Variants in ANKLE2 observed in about 807,000 individuals in gnomAD.
ANKLE2 encodes ankyrin repeat and LEM domain containing 2.
Under a neutral mutation model 84.2 loss-of-function variants are expected in ANKLE2, and 55 were observed. That is an observed-to-expected ratio of 0.65 (90% CI 0.53 to 0.82). ANKLE2 has a LOEUF of 0.82. Ranked by LOEUF, ANKLE2 falls within the 40% of genes least tolerant of loss-of-function variation. The pLI is 0.00. For missense variants in ANKLE2, 1,238 were observed against 1,201.9 expected (o/e 1.03, Z -0.44); for synonymous variants, 551 against 486.1 (o/e 1.13, Z -1.76).
Position 132,747,910 on chromosome 12 carries a change from G to A in ANKLE2, c.1152C>T (p.Tyr384=). Residue 384 remains tyrosine, a synonymous_variant, in exon 5 of 13, where the codon TAC becomes TAT. Transcript: ENST00000357997. ...LENPDFMRLM[Y]PDDDEAMLQK... The stretch of plus-strand genomic sequence containing the variant: ...GCAGCATGGCCTCGTCGTCATCAGG[G>A]TACATCAGCCTCATGAAGTCAGGGT... 6.2e-7 allele frequency: 1 copy of A among 1,608,356 alleles called. No individual in the cohort carries two copies. Among genetic ancestry groups the A allele is most frequent in the East Asian group, 2.2e-5 (1 of 44,850 alleles).
Position 132,727,314 on chromosome 12 carries a change from A to C in ANKLE2, c.2745T>G (p.Pro915=). ...SNPAKPGLGS[P]GRYSPVHGSQ... is the part of the protein sequence containing the mutation. The stretch of plus-strand genomic sequence containing the variant: ...TCCCGTGCACGGGGCTGTAGCGCCC[A>C]GGACTGCCCAGGCCTGGCTTTGCGG... Residue 915 remains proline (P), a synonymous_variant, in exon 13 of 13, where the codon CCT becomes CCG. Transcript: ENST00000357997. 2 of 1,563,484 alleles carry C rather than the reference A, an allele frequency of 1.3e-6. No individual in the cohort carries two copies. Among genetic ancestry groups the C allele is most frequent in the Non-Finnish European group, 1.7e-6 (2 of 1,154,484 alleles).
intron 9 of ANKLE2, 89 bp from the exon 10 acceptor site, chr12:132,734,664 C>A: frequency 1.6e-6 from 2 of 1,261,680 alleles, no homozygotes; most frequent in Non-Finnish European, 1.1e-6. Flanking sequence ...GCTTCAAGTA[C>A]CAAAGCAATG....
rs2043703401 is a variant in ANKLE2, at chr12:132,726,577, T to G, written c.*665A>C. On this transcript the variant is annotated 3_prime_UTR_variant, in exon 13 of 13. Transcript: ENST00000357997. The stretch of plus-strand genomic sequence containing the variant: ...TGCTCCTGGTATCACTCCCACGGGC[T>G]GCAAGACTTCCCAAGAGAAAAGCTA... The G allele has an allele frequency of 2.0e-5, 3 of 152,236 alleles. No individual in the cohort carries two copies. Among genetic ancestry groups the G allele is most frequent in the Admixed American group, 1.3e-4 (2 of 15,274 alleles). The allele number at this position is 152,236 out of a possible 1,614,324, so 9.4% of individuals were successfully genotyped here.
At position 132,761,782 on chromosome 12, in the gene ANKLE2, AGCCGCGGCCACAGCATCGCCGCCGCCCGG is replaced by A. The variant is rs2044632878; in HGVS notation, c.-13_16del. The A allele has an allele frequency of 1.7e-6, 2 of 1,148,430 alleles. No homozygotes were observed. The highest frequency in any genetic ancestry group is 2.1e-6 in the Non-Finnish European group (2 of 936,656). 71.1% of individuals were successfully genotyped at this position (1,148,430 alleles called of 1,614,324 possible). ...CAGCGCCGCCCACTCGGCCGCCGCC[AGCCGCGGCCACAGCATCGCCGCCGCCCGG>A]GCCGCAGCCGCCGAGAAGCCCGCGC... On this transcript the variant is annotated start_lost and 5_prime_UTR_variant, in exon 1 of 13. Coordinates refer to ENST00000357997, the MANE Select transcript of ANKLE2 (RefSeq NM_015114.3).
intron 6 of ANKLE2, chr12:132,741,962 T>C (rs912485741): frequency 7.5e-6 from 3 of 397,730 alleles, no homozygotes; most frequent in African/African-American, 2.1e-5. Flanking sequence ...CCTTGAAGAA[T>C]TGCAGCAATA....
intron 8 of ANKLE2, 34 bp from the exon 9 acceptor site, chr12:132,735,546 A>G (rs780987603): frequency 6.4e-7 from 1 of 1,573,716 alleles, no homozygotes; most frequent in Non-Finnish European, 8.7e-7. Context: ...GAGCCGTGTC[A>G]GGCACTGCGC....
chr12:132,734,333 C>T (rs1177631832), intron 10 of ANKLE2, 52 bp downstream of exon 10: 25 of 1,589,908 alleles, frequency 1.6e-5, no homozygotes, highest in African/African-American at 5.4e-5. Context: ...CGTCAGACCC[C>T]GGCCATGGGG....
At chr12:132,737,754 T>A (rs573048289) in intron 7 of ANKLE2, 1 of 152,028 alleles carries the variant, frequency 6.6e-6, no homozygotes, top group African/African-American at 2.4e-5. Context: ...CCTTCTCTCC[T>A]TTTTTTCTCC....
intron 7 of ANKLE2, chr12:132,738,111 CCGGCCTCCTCGCTTCT>C (rs1161923571): frequency 3.4e-4 from 49 of 145,058 alleles, no homozygotes; most frequent in African/African-American, 1.4e-3. Context: ...GCTGCTGTGC[CCGGCCTCCTCGCTTCT>C]CAATCCTGCT....
chr12:132,741,455 C>T lies in ANKLE2; in HGVS notation c.1384G>A (p.Val462Met). ...VICERSKNKS[V>M]ELKERIREYL... ...TCTCTGATCCGCTCCTTCAGTTCCA[C>T]AGATTTATTTTTGCTTCTTTCACAA... is the stretch of plus-strand genomic sequence containing the variant. Residue 462 changes from valine to methionine, a missense_variant, in exon 7 of 13, where the codon GTG becomes ATG. Around this residue, in one of 3 missense-constraint regions of ANKLE2, gnomAD observed 802 missense variants for 774.5 expected, o/e 1.04. Coordinates refer to ENST00000357997, the MANE Select transcript of ANKLE2 (RefSeq NM_015114.3). 6.2e-7 allele frequency: 1 copy of T among 1,614,186 alleles called. No homozygotes were observed. Among genetic ancestry groups the T allele is most frequent in the Non-Finnish European group, 8.5e-7 (1 of 1,180,038 alleles).
chr12:132,750,640 T>C lies in ANKLE2; in HGVS notation c.847+3A>G. ...TCAAGATGTGAACGGCTGCATGATT[T>C]ACCTTTCAACCTGTCATTGCTAAAG... On this transcript the variant is annotated splice_donor_region_variant and intron_variant, in intron 3 of 12. Transcript: ENST00000357997. 6.2e-7 allele frequency: 1 copy of C among 1,614,034 alleles called. No homozygotes were observed. Among genetic ancestry groups the C allele is most frequent in the Non-Finnish European group, 8.5e-7 (1 of 1,179,910 alleles).
Position 132,732,910 on chromosome 12 carries a change from C to T in ANKLE2, c.1891+1475G>A, listed in dbSNP as rs182120263. On this transcript the variant is annotated intron_variant, in intron 10 of 12. Transcript: ENST00000357997. ...TGTCTGAAATGCACCGTGTGAAGCG[C>T]TCTGCATCCTGGTGTCTGATATGCA... Among the ~76,000 whole-genome samples, 107 of 143,698 alleles carry T rather than the reference C, an allele frequency of 7.4e-4. 1 individual carries two copies. Among genetic ancestry groups the T allele is most frequent in the Non-Finnish European group, 1.3e-3 (89 of 66,406 alleles). The allele number at this position is 143,698 out of a possible 152,430, so 94.3% of individuals were successfully genotyped here.
At position 132,736,987 on chromosome 12, in the gene ANKLE2, G is replaced by A. The variant is rs376751372; in HGVS notation, c.1499C>T (p.Thr500Met). 84 of 1,613,828 alleles carry A rather than the reference G, an allele frequency of 5.2e-5. No individual in the cohort carries two copies. In the Middle Eastern group the frequency reaches 8.3e-4, roughly 16 times the overall value. The change falls in exon 8 of 13, where the codon ACG becomes ATG. Residue 500 changes from threonine to methionine, a missense_variant. By Grantham distance (81) the Thr-to-Met change is moderately conservative. Around this residue, in one of 3 missense-constraint regions of ANKLE2, gnomAD observed 802 missense variants for 774.5 expected, o/e 1.04. Coordinates refer to ENST00000357997, the MANE Select transcript of ANKLE2 (RefSeq NM_015114.3). ...GCGGCTGACGTGAGAGGCCTCAGCCGTCTGGTCTGGGGACCACAGCTCCCC... is the reference window on the plus strand; with the variant it reads ...GCGGCTGACGTGAGAGGCCTCAGCCATCTGGTCTGGGGACCACAGCTCCCC... ...VIGELWSPDQ[T>M]AEASHVSRYG... is the part of the protein sequence containing the mutation.
chr12:132,742,184 TACACACACACACACAC>T (rs71856305), intron 6 of ANKLE2: 2 of 192,508 alleles, frequency 1.0e-5, no homozygotes, highest in Admixed American at 6.1e-5. Flanking sequence ...GAAGTACAGA[TACACACACACACACAC>T]ACACACACAC....
rs772211219 is a variant in ANKLE2, at chr12:132,741,462, A to C, written c.1377T>G (p.Asn459Lys). ...PEDVICERSK[N>K]KSVELKERIR... is the part of the protein sequence containing the mutation. ...TCCGCTCCTTCAGTTCCACAGATTT[A>C]TTTTTGCTTCTTTCACAAATTACCT... The change falls in exon 7 of 13, where the codon AAT (asparagine) becomes AAG (lysine). Residue 459 changes from asparagine (N) to lysine (K), a missense_variant. Around this residue, in one of 3 missense-constraint regions of ANKLE2, gnomAD observed 802 missense variants for 774.5 expected, o/e 1.04. Coordinates refer to ENST00000357997, the MANE Select transcript of ANKLE2 (RefSeq NM_015114.3). 1 of 1,614,104 alleles carries C rather than the reference A, an allele frequency of 6.2e-7. No homozygotes were observed. Among genetic ancestry groups the C allele is most frequent in the Non-Finnish European group, 8.5e-7 (1 of 1,180,022 alleles).
In ANKLE2 at chr12:132,730,100, C is replaced by T. The variant is rs1469501006; in HGVS notation, c.2062G>A (p.Ala688Thr). The part of the protein sequence containing the change: ...PLEQEADLIE[A>T]AEPGGPHSSR... Reference sequence around the variant, plus strand: ...CTGTGTGGACCTCCCGGCTCGGCGGCTTCTATGAGGTCTGCCTCCTGCTCC... The same window carrying T: ...CTGTGTGGACCTCCCGGCTCGGCGGTTTCTATGAGGTCTGCCTCCTGCTCC... The change falls in exon 11 of 13, where the codon GCC (alanine) becomes ACC (threonine). Residue 688 changes from alanine to threonine, a missense_variant. Ala to Thr is a moderately conservative substitution (Grantham distance 58). This residue lies in a region of ANKLE2 where 802 missense variants were observed against 774.5 expected (regional missense o/e 1.04). Transcript: ENST00000357997. 6.2e-7 allele frequency: 1 copy of T among 1,612,460 alleles called. No homozygotes were observed. The highest frequency in any genetic ancestry group is 1.7e-5 in the Admixed American group (1 of 59,992).
Position 132,761,673 on chromosome 12 carries a change from C to T in ANKLE2, c.126G>A (p.Leu42=). 1 of 1,339,066 alleles carries T rather than the reference C, an allele frequency of 7.5e-7. No homozygotes were observed. Among genetic ancestry groups the T allele is most frequent in the South Asian group, 1.8e-5 (1 of 55,082 alleles). 82.9% of individuals were successfully genotyped at this position (1,339,066 alleles called of 1,614,324 possible). A position where few individuals can be genotyped will look rare whatever the true frequency, so the allele number is the denominator to read the frequency against. The change falls in exon 1 of 13, where the codon CTG becomes CTA. Residue 42 remains leucine, a synonymous_variant. Transcript: ENST00000357997. ...GAGGAACTGGGGTCCCGCTGCGGCC[C>T]AGACCTCCCGGCCGCGGGCCCAGCC... is the stretch of plus-strand genomic sequence containing the variant. The part of the protein sequence containing the change: ...VRRLGPRPGG[L]GRSGTPVPPP...
intron 11 of ANKLE2, among the ~76,000 whole-genome samples, chr12:132,728,402 G>C (rs2043755420): frequency 6.6e-6 from 1 of 152,068 alleles, no homozygotes; most frequent in African/African-American, 2.4e-5. Flanking sequence ...CTAATTTTTT[G>C]TATTTTTATT....
At chr12:132,748,704 G>C (rs2044291976) in intron 3 of ANKLE2, among the ~76,000 whole-genome samples, 1 of 152,136 alleles carries the variant, frequency 6.6e-6, no homozygotes, top group East Asian at 1.9e-4. Flanking sequence ...GGTGAACTTT[G>C]TGTTTTTTCA....
Sources: gnomAD v4.1 joint callset for allele counts (sites outside exome capture counted in the v4.1 genomes callset) on GRCh38, gnomAD v4.1.1 for gene constraint, gnomAD v4.1.1 regional missense constraint, MANE v1.5 for transcripts, NCBI Gene and HGNC (gene_info 2026-07-23, HGNC 2026-07-21) for gene names.